KIAA1328: variants seen among roughly 807,000 people sequenced by gnomAD.
The protein encoded by KIAA1328 is KIAA1328.
KIAA1328 carries 52 observed loss-of-function variants against 68.1 expected under a neutral mutation model. The ratio of observed to expected loss-of-function variants is 0.76; its 90% CI spans 0.61 to 0.96. The LOEUF is 0.96. Among genes scored for constraint, KIAA1328 ranks in the 40% least tolerant of loss-of-function variants. KIAA1328 has a pLI of 0.00. For missense variants in KIAA1328, 641 were observed against 677.6 expected, an observed-to-expected ratio of 0.95 and a Z score of 0.60; for synonymous variants, 232 against 239.4, an observed-to-expected ratio of 0.97 and a Z score of 0.28.
chr18:36,977,814 C>T (rs1327540092), intron 6 of KIAA1328, among the ~76,000 whole-genome samples: 1 of 152,032 alleles, frequency 6.6e-6, no homozygotes, highest in Non-Finnish European at 1.5e-5. Context: ...GACAGAGTCT[C>T]ACTCTGTCCC....
chr18:37,213,921 G>C (rs186060085), intron 9 of KIAA1328, among the ~76,000 whole-genome samples: 1 of 152,246 alleles, frequency 6.6e-6, no homozygotes, highest in Non-Finnish European at 1.5e-5. Flanking sequence ...ATTTTTTCAT[G>C]TGTCTGTTGG....
chr18:37,136,794 A>T (rs988411328), intron 7 of KIAA1328, among the ~76,000 whole-genome samples: 4 of 152,206 alleles, frequency 2.6e-5, no homozygotes, highest in African/African-American at 9.7e-5. Context: ...AGTTAAAAGG[A>T]CTTATTCTAC....
At chr18:37,068,297 G>C (rs2056414053) in intron 7 of KIAA1328, among the ~76,000 whole-genome samples, 1 of 152,084 alleles carries the variant, frequency 6.6e-6, no homozygotes, top group Admixed American at 6.5e-5. Context: ...AACAAGTGAT[G>C]GGAGTCTTCT....
intron 6 of KIAA1328, among the ~76,000 whole-genome samples, chr18:37,028,783 G>A (rs755605121): frequency 6.6e-6 from 1 of 152,048 alleles, no homozygotes; most frequent in African/African-American, 2.4e-5. Flanking sequence ...GTGATCATGT[G>A]GTTTTTGGTT....
chr18:37,136,246 A>C (rs765011113), intron 7 of KIAA1328, among the ~76,000 whole-genome samples: 1 of 152,164 alleles, frequency 6.6e-6, no homozygotes, highest in Non-Finnish European at 1.5e-5. Context: ...TTCAGCCACA[A>C]TCTTTAACTA....
At chr18:37,190,653 C>T (rs1002440944) in intron 9 of KIAA1328, among the ~76,000 whole-genome samples, 1 of 152,182 alleles carries the variant, frequency 6.6e-6, no homozygotes, top group Admixed American at 6.5e-5. Context: ...CTCTGAGCCT[C>T]TTGTGAGACA....
intron 7 of KIAA1328, among the ~76,000 whole-genome samples, chr18:37,153,119 G>A (rs2059074113): frequency 6.6e-6 from 1 of 152,140 alleles, no homozygotes; most frequent in South Asian, 2.1e-4. Context: ...TGGCACACTT[G>A]GTCCGACCAA....
intron 6 of KIAA1328, among the ~76,000 whole-genome samples, chr18:36,973,812 T>TACACACACAC (rs761416952): frequency 0.014 from 1,428 of 103,622 alleles, 12 homozygotes; most frequent in South Asian, 0.024. Flanking sequence ...TGTACGCACA[T>TACACACACAC]ACACACACAC....
chr18:37,105,496 T>C (rs2057744601), intron 7 of KIAA1328, among the ~76,000 whole-genome samples: 2 of 119,932 alleles, frequency 1.7e-5, no homozygotes, highest in South Asian at 2.3e-4. Context: ...TCTGTCTTTT[T>C]GAAGGAAAAA....
chr18:37,059,024 T>G (rs2056041030), intron 6 of KIAA1328, among the ~76,000 whole-genome samples: 1 of 150,886 alleles, frequency 6.6e-6, no homozygotes. Context: ...GAAGTTGGGT[T>G]TTTTTTTTAG....
rs2056777987 is a variant in KIAA1328, at chr18:37,077,359, A to G, written c.1232+9814A>G. Among the ~76,000 whole-genome samples the G allele has an allele frequency of 2.1e-5, 3 of 145,680 alleles. No individual in the cohort carries two copies. The South Asian group carries it at 6.3e-4, about 31-fold the overall frequency. ...AAAATAATAAGAGCTATCTATGACA[A>G]ACCCACAGCCAATACCATACTGAAT... is the stretch of plus-strand genomic sequence containing the variant. On this transcript the variant is annotated intron_variant, in intron 7 of 9. Coordinates refer to ENST00000280020, the MANE Select transcript of KIAA1328 (RefSeq NM_020776.3).
intron 5 of KIAA1328, among the ~76,000 whole-genome samples, chr18:36,910,092 GT>G (rs1461730903): frequency 6.6e-6 from 1 of 152,118 alleles, no homozygotes; most frequent in African/African-American, 2.4e-5. Flanking sequence ...TCTGATGGTA[GT>G]TTCTTTTGCT....
intron 5 of KIAA1328, among the ~76,000 whole-genome samples, chr18:36,943,370 G>T (rs1401578709): frequency 6.6e-6 from 1 of 152,134 alleles, no homozygotes; most frequent in African/African-American, 2.4e-5. Context: ...TGCCCAAGTG[G>T]TGATCTGTGT....
rs540895118 is a variant in KIAA1328 at position 36,883,952 on chromosome 18, G to GTATATGTGTATATATATA, written c.333-1600_333-1599insGTGTATATATATATATAT. Reference sequence around the variant, plus strand: ...TACAAATGCTTTCCATATTTATAAAGTATATATATATATATATACACACAC... The same window carrying GTATATGTGTATATATATA: ...TACAAATGCTTTCCATATTTATAAAGTATATGTGTATATATATATATATATATATATATATACACACAC... On this transcript the variant is annotated intron_variant, in intron 4 of 9. Coordinates refer to ENST00000280020, the MANE Select transcript of KIAA1328 (RefSeq NM_020776.3). Among the ~76,000 whole-genome samples, 82 of 120,818 alleles carry GTATATGTGTATATATATA rather than the reference G, an allele frequency of 6.8e-4. 3 individuals carry two copies. Among genetic ancestry groups the GTATATGTGTATATATATA allele is most frequent in the Admixed American group, 1.9e-3 (23 of 12,136 alleles). The allele number at this position is 120,818 out of a possible 152,430, so 79.3% of individuals were successfully genotyped here.
intron 7 of KIAA1328, among the ~76,000 whole-genome samples, chr18:37,127,779 AT>A (rs1321085776): frequency 6.6e-6 from 1 of 152,120 alleles, no homozygotes; most frequent in African/African-American, 2.4e-5. Flanking sequence ...ACCCAAAATA[AT>A]TTTTTTATAA....
intron 5 of KIAA1328, among the ~76,000 whole-genome samples, chr18:36,952,842 C>T (rs1240240127): frequency 6.6e-6 from 1 of 151,946 alleles, no homozygotes; most frequent in Non-Finnish European, 1.5e-5. Context: ...GACTTACTGA[C>T]CAAGGACTCG....
chr18:36,993,554 G>C (rs1324500736), intron 6 of KIAA1328, among the ~76,000 whole-genome samples: 1 of 152,006 alleles, frequency 6.6e-6, no homozygotes, highest in African/African-American at 2.4e-5. Flanking sequence ...GTAATGTAAT[G>C]GATCAAGTAG....
At chr18:37,002,464 A>T (rs1432793005) in intron 6 of KIAA1328, among the ~76,000 whole-genome samples, 1 of 151,266 alleles carries the variant, frequency 6.6e-6, no homozygotes, top group Non-Finnish European at 1.5e-5. Context: ...TAGTGATCCT[A>T]CCACCTTGCT....
In KIAA1328 at chr18:37,187,718, C is replaced by A. The variant is rs181218132; in HGVS notation, c.1523+14637C>A. 3.3e-5 allele frequency among the ~76,000 whole-genome samples: 5 copies of A among 152,100 alleles called. No homozygotes were observed. In the East Asian group the frequency reaches 9.7e-4, roughly 29 times the overall value. ...ATTGTACCTCAGGGTTTTTTCCCCC[C>A]ACTTGGGCTCTGAGCAACCCTGATG... On this transcript the variant is annotated intron_variant, in intron 9 of 9. Coordinates refer to ENST00000280020, the MANE Select transcript of KIAA1328 (RefSeq NM_020776.3).
Sources: allele counts gnomAD v4.1 joint callset (sites outside exome capture counted in the v4.1 genomes callset), GRCh38; gene constraint gnomAD v4.1.1; transcripts MANE v1.5; gene names NCBI Gene and HGNC (gene_info 2026-07-23, HGNC 2026-07-21).